SLC36A1: variants seen among roughly 807,000 people sequenced by gnomAD.
SLC36A1 encodes the protein proton-coupled amino acid transporter 1.
SLC36A1 carries 30 observed loss-of-function variants against 47.5 expected under a neutral mutation model. The ratio of observed to expected loss-of-function variants is 0.63; its 90% CI spans 0.47 to 0.86. The LOEUF (loss-of-function observed/expected upper bound fraction) is 0.86. Ranked by LOEUF, SLC36A1 falls within the 40% of genes least tolerant of loss-of-function variation. The pLI is 0.00. For missense variants in SLC36A1, 517 were observed against 606.0 expected, an observed-to-expected ratio of 0.85 and a Z score of 1.54; for synonymous variants, 255 against 249.7, an observed-to-expected ratio of 1.02 and a Z score of -0.20.
At chr5:151,405,333 CTCTCTT>C in the SLC36A1 span, among the ~76,000 whole-genome samples, 2 of 147,952 alleles carry the variant, frequency 1.4e-5, no homozygotes, top group African/African-American at 5.1e-5. Context: ...AAGTCTCTCC[CTCTCTT>C]TCTCTTTTTT....
the SLC36A1 span, among the ~76,000 whole-genome samples, chr5:151,356,209 C>T: frequency 6.6e-6 from 1 of 151,340 alleles, no homozygotes; most frequent in African/African-American, 2.4e-5. Flanking sequence ...CATGGTGGCT[C>T]ACACCTGTAA....
the SLC36A1 span, among the ~76,000 whole-genome samples, chr5:151,405,686 G>A: frequency 6.6e-6 from 1 of 152,042 alleles, no homozygotes; most frequent in South Asian, 2.1e-4. Context: ...CATCTTAGGG[G>A]GCTGGTGTTT....
the SLC36A1 span, chr5:151,517,549 C>G: frequency 6.3e-7 from 1 of 1,584,242 alleles, no homozygotes; most frequent in Non-Finnish European, 8.6e-7. Flanking sequence ...CCTGACATTC[C>G]TCATGCCTCA....
chr5:151,364,068 T>C, the SLC36A1 span, among the ~76,000 whole-genome samples: 1 of 152,242 alleles, frequency 6.6e-6, no homozygotes, highest in East Asian at 1.9e-4. Flanking sequence ...CTCTTGACTG[T>C]GAATGGCACC....
the SLC36A1 span, among the ~76,000 whole-genome samples, chr5:151,351,037 G>A: frequency 2.0e-5 from 3 of 152,154 alleles, no homozygotes; most frequent in East Asian, 3.8e-4. Flanking sequence ...TTTCTCAACT[G>A]TAAAATACTA....
the SLC36A1 span, chr5:151,542,890 G>A: frequency 6.2e-7 from 1 of 1,614,174 alleles, no homozygotes; most frequent in Non-Finnish European, 8.5e-7. Context: ...TATGACCCCT[G>A]TGTCTGGGTC....
the SLC36A1 span, among the ~76,000 whole-genome samples, chr5:151,385,009 A>AGAGTGTGTGTGT: frequency 3.5e-3 from 456 of 128,488 alleles, 3 homozygotes; most frequent in East Asian, 0.019. Flanking sequence ...AGAGAGAGAG[A>AGAGTGTGTGTGT]GTGTGTGTGT....
At chr5:151,522,319 C>T in the SLC36A1 span, among the ~76,000 whole-genome samples, 2 of 148,344 alleles carry the variant, frequency 1.3e-5, no homozygotes, top group Admixed American at 1.3e-4. Context: ...CATCCTATAC[C>T]ATGCAGTAAA....
chr5:151,347,725 TTAA>T, the SLC36A1 span: 1 of 495,756 alleles, frequency 2.0e-6, no homozygotes, highest in East Asian at 3.8e-5. Flanking sequence ...TTGGTATTAC[TTAA>T]TAATAATCAT....
At chr5:151,545,538 T>C in the SLC36A1 span, 1 of 1,614,012 alleles carries the variant, frequency 6.2e-7, no homozygotes, top group African/African-American at 1.3e-5. Context: ...CATTCACATC[T>C]CTGACATGAA....
At chr5:151,524,111 T>C in the SLC36A1 span, among the ~76,000 whole-genome samples, 2,232 of 152,186 alleles carry the variant, frequency 0.015, 60 homozygotes, top group African/African-American at 0.051. Context: ...ACCCACTCTA[T>C]AGAGCTTGAA....
At chr5:151,507,596 C>T in the SLC36A1 span, 28 of 1,600,684 alleles carry the variant, frequency 1.7e-5, no homozygotes, top group Admixed American at 5.1e-5. Flanking sequence ...AACAACCCCT[C>T]GCCTCCATTT....
chr5:151,386,777 G>A, the SLC36A1 span, among the ~76,000 whole-genome samples: 21 of 152,064 alleles, frequency 1.4e-4, no homozygotes, highest in Non-Finnish European at 1.3e-4. Flanking sequence ...GGCTCTGCCC[G>A]GTCCCTGTCT....
chr5:151,550,886 G>A, the SLC36A1 span: 1 of 1,610,208 alleles, frequency 6.2e-7, no homozygotes, highest in Non-Finnish European at 8.5e-7. Flanking sequence ...GGAGGGAGAT[G>A]AGGGAGAAGG....
At chr5:151,464,484 C>G (rs1395959639) in intron 3 of SLC36A1, 30 bp from the exon 4 acceptor site, 1 of 1,592,254 alleles carries the variant, frequency 6.3e-7, no homozygotes, top group South Asian at 1.1e-5. Flanking sequence ...ACTTTTCTCT[C>G]TCTCTTTTGC....
chr5:151,546,782 G>A, the SLC36A1 span, among the ~76,000 whole-genome samples: 1 of 151,744 alleles, frequency 6.6e-6, no homozygotes, highest in East Asian at 1.9e-4. Flanking sequence ...GTAGTGATGT[G>A]AGCATGGCTC....
the SLC36A1 span, among the ~76,000 whole-genome samples, chr5:151,508,760 G>A: frequency 6.6e-6 from 1 of 151,934 alleles, no homozygotes; most frequent in Non-Finnish European, 1.5e-5. Context: ...AGTAATCATG[G>A]GAAAGCCCTT....
At chr5:151,386,912 C>T in the SLC36A1 span, among the ~76,000 whole-genome samples, 12 of 152,224 alleles carry the variant, frequency 7.9e-5, no homozygotes, top group Admixed American at 2.0e-4. Flanking sequence ...AACCAATGTG[C>T]TTCTCTTAGG....
chr5:151,473,720 C>T lies in SLC36A1; in HGVS notation c.771C>T (p.Thr257=), dbSNP rs767615308. Residue 257 remains threonine, a synonymous_variant, in exon 8 of 11, where the codon ACC becomes ACT. Coordinates refer to ENST00000243389, the MANE Select transcript of SLC36A1 (RefSeq NM_078483.4). ...SHLPLVAPWK[T]YPLFFGTAIF... is the part of the protein sequence containing the mutation. ...TCCCCTTGGTGGCCCCTTGGAAGACCTACCCTCTCTTCTTTGGCACAGCGA... is the reference window on the plus strand; with the variant it reads ...TCCCCTTGGTGGCCCCTTGGAAGACTTACCCTCTCTTCTTTGGCACAGCGA... 6.2e-7 allele frequency: 1 copy of T among 1,614,088 alleles called. No homozygotes were observed. Among genetic ancestry groups the T allele is most frequent in the Non-Finnish European group, 8.5e-7 (1 of 1,179,974 alleles).
Sources: gnomAD v4.1 joint callset for allele counts (sites outside exome capture counted in the v4.1 genomes callset) on GRCh38, gnomAD v4.1.1 for gene constraint, MANE v1.5 for transcripts, NCBI Gene and HGNC (gene_info 2026-07-23, HGNC 2026-07-21) for gene names.